Variants in SPATA13 observed in about 807,000 individuals in gnomAD.
The protein encoded by SPATA13 is spermatogenesis associated 13.
A neutral mutation model predicts 104.0 loss-of-function variants in SPATA13; 50 were observed. The ratio of observed to expected loss-of-function variants is 0.48; its 90% CI spans 0.38 to 0.61. The LOEUF (loss-of-function observed/expected upper bound fraction) is 0.61. SPATA13 is among the 20% of genes least tolerant of loss of function. The pLI, the probability that SPATA13 is intolerant of heterozygous loss-of-function variation, is 0.00. For missense variants in SPATA13, 1,524 were observed against 1,690.6 expected (o/e 0.90, Z 1.73); for synonymous variants, 606 against 667.5 (o/e 0.91, Z 1.42).
intron 3 of SPATA13, among the ~76,000 whole-genome samples, chr13:24,080,919 C>T (rs1310470445): frequency 6.6e-6 from 1 of 152,172 alleles, no homozygotes; most frequent in Non-Finnish European, 1.5e-5. Flanking sequence ...TCTTCTGTCC[C>T]CTCACCTCCT....
chr13:24,113,640 G>C (rs1190156479), intron 3 of SPATA13, among the ~76,000 whole-genome samples: 1 of 151,846 alleles, frequency 6.6e-6, no homozygotes, highest in African/African-American at 2.4e-5. Flanking sequence ...GGGAGGATGA[G>C]GCAGGCAGAT....
At chr13:24,130,881 G>A (rs533282061) in intron 3 of SPATA13, among the ~76,000 whole-genome samples, 2 of 152,180 alleles carry the variant, frequency 1.3e-5, no homozygotes, top group Non-Finnish European at 2.9e-5. Context: ...GTAAGGAGCC[G>A]GGAATCTCTG....
Position 24,236,396 on chromosome 13 carries a change from G to A in SPATA13, c.1653+11814G>A, listed in dbSNP as rs566190685. Among the ~76,000 whole-genome samples, 4 of 152,140 alleles carry A rather than the reference G, an allele frequency of 2.6e-5. No individual in the cohort carries two copies. The East Asian group carries it at 7.7e-4, about 29-fold the overall frequency. ...ACCTGAGGTCAAGAGTTTGAGACCA[G>A]CCTGGACAACATGGTGAAACCTTGT... On this transcript the variant is annotated intron_variant, in intron 2 of 12. Transcript: ENST00000382108.
chr13:24,292,542 G>C (rs1323851942), intron 9 of SPATA13, among the ~76,000 whole-genome samples: 1 of 152,180 alleles, frequency 6.6e-6, no homozygotes, highest in South Asian at 2.1e-4. Context: ...GGGTCCTAAT[G>C]AGAAGAGGAA....
At chr13:24,134,427 A>G (rs140471748) in intron 3 of SPATA13, among the ~76,000 whole-genome samples, 1 of 152,198 alleles carries the variant, frequency 6.6e-6, no homozygotes, top group East Asian at 1.9e-4. Context: ...TCACAGAGGC[A>G]GATGGGTGGG....
chr13:24,029,371 A>T (rs1877374142), intron 3 of SPATA13, among the ~76,000 whole-genome samples: 1 of 150,870 alleles, frequency 6.6e-6, no homozygotes, highest in South Asian at 2.1e-4. Context: ...ACATTTTTTT[A>T]GACAAATAGT....
intron 3 of SPATA13, among the ~76,000 whole-genome samples, chr13:24,065,624 C>G (rs1878932089): frequency 6.7e-6 from 1 of 149,670 alleles, no homozygotes; most frequent in Admixed American, 6.7e-5. Flanking sequence ...AGAGACGTCC[C>G]CTAAGCCACA....
chr13:24,046,959 T>G (rs1878172806), intron 3 of SPATA13, among the ~76,000 whole-genome samples: 1 of 152,098 alleles, frequency 6.6e-6, no homozygotes, highest in African/African-American at 2.4e-5. Context: ...ATTACTTTAT[T>G]ACTCAAATCA....
intron 2 of SPATA13, among the ~76,000 whole-genome samples, chr13:24,015,948 C>T (rs992409105): frequency 3.9e-5 from 6 of 152,206 alleles, no homozygotes; most frequent in South Asian, 2.1e-4. Context: ...TTCTGTCCTT[C>T]GTCCTTCTGC....
intron 3 of SPATA13, among the ~76,000 whole-genome samples, chr13:24,070,248 G>A (rs2137764655): frequency 6.6e-6 from 1 of 152,262 alleles, no homozygotes; most frequent in East Asian, 1.9e-4. Flanking sequence ...AAACATGATG[G>A]GTCTGCTTGG....
At position 24,119,549 on chromosome 13, in the gene SPATA13, A is replaced by G. The variant is rs1280967722; in HGVS notation, c.-112+101848A>G. ...TCTTCTGGAGAATGCTTTTGCTCCA[A>G]CTGAGGTAAACATCTGTGAGAACCT... On this transcript the variant is annotated intron_variant, in intron 3 of 14. Transcript: ENST00000424834. Among the ~76,000 whole-genome samples the G allele has an allele frequency of 2.6e-5, 4 of 152,302 alleles. No individual in the cohort carries two copies. In the East Asian group the frequency reaches 5.8e-4, roughly 22 times the overall value.
chr13:24,068,480 T>C (rs1021561550), intron 3 of SPATA13, among the ~76,000 whole-genome samples: 7 of 152,196 alleles, frequency 4.6e-5, no homozygotes, highest in African/African-American at 1.4e-4. Flanking sequence ...TTATATTCCT[T>C]TGGGTATGTG....
chr13:24,168,687 G>A (rs545892517), intron 1 of SPATA13, among the ~76,000 whole-genome samples: 169 of 152,230 alleles, frequency 1.1e-3, no homozygotes, highest in Non-Finnish European at 1.9e-3. Flanking sequence ...AGGAATTGCC[G>A]TTGCTTAAAT....
chr13:24,052,174 G>A (rs947408299), intron 3 of SPATA13, among the ~76,000 whole-genome samples: 3 of 152,166 alleles, frequency 2.0e-5, no homozygotes, highest in Non-Finnish European at 4.4e-5. Context: ...CTCAAGAATC[G>A]CAGGCCTCGG....
intron 2 of SPATA13, among the ~76,000 whole-genome samples, chr13:24,225,741 C>G (rs1377363670): frequency 6.6e-6 from 1 of 152,178 alleles, no homozygotes; most frequent in Admixed American, 6.5e-5. Flanking sequence ...AGGTTTGGGC[C>G]CCCAGAAGGG....
chr13:24,077,625 T>C (rs575212586), intron 3 of SPATA13, among the ~76,000 whole-genome samples: 1 of 148,896 alleles, frequency 6.7e-6, no homozygotes, highest in Admixed American at 6.7e-5. Flanking sequence ...AAAATAAAAT[T>C]TAAAAAAAAA....
chr13:24,191,063 G>T (rs1869705144), intron 1 of SPATA13, among the ~76,000 whole-genome samples: 1 of 151,958 alleles, frequency 6.6e-6, no homozygotes, highest in Admixed American at 6.6e-5. Context: ...AAAAGATTAG[G>T]ACTTGCTGAA....
intron 3 of SPATA13, among the ~76,000 whole-genome samples, chr13:24,036,322 A>C (rs1245295572): frequency 1.3e-5 from 2 of 152,244 alleles, no homozygotes; most frequent in Admixed American, 6.5e-5. Context: ...CTGTTCTTAC[A>C]TTTAGGCTGA....
At chr13:24,015,132 T>C (rs1439130547) in intron 2 of SPATA13, among the ~76,000 whole-genome samples, 1 of 152,180 alleles carries the variant, frequency 6.6e-6, no homozygotes. Flanking sequence ...GACCTCATGA[T>C]CTGCCTGCCT....
Sources: gnomAD v4.1 joint callset for allele counts (sites outside exome capture counted in the v4.1 genomes callset) on GRCh38, gnomAD v4.1.1 for gene constraint, MANE v1.5 for transcripts, NCBI Gene and HGNC (gene_info 2026-07-23, HGNC 2026-07-21) for gene names.